Variants in SGCZ observed in about 807,000 individuals in gnomAD.
SGCZ encodes the protein zeta-sarcoglycan.
SGCZ carries 40 observed loss-of-function variants against 41.3 expected under a neutral mutation model. The observed-to-expected ratio is 0.97, with a 90% CI of 0.75 to 1.26. The LOEUF (loss-of-function observed/expected upper bound fraction) is 1.26. Ranked by LOEUF, SGCZ falls within the 50% of genes most tolerant of loss-of-function variation. The probability of loss-of-function intolerance (pLI) is 0.00; values close to 1 mark genes in which losing one functional copy is unlikely to be tolerated. For synonymous variants in SGCZ, 206 were observed against 137.5 expected (o/e 1.50, Z -3.49); for missense variants, 552 against 369.8 (o/e 1.49, Z -4.04).
At chr8:15,056,066 T>C (rs997590667) in intron 1 of SGCZ, among the ~76,000 whole-genome samples, 2 of 152,206 alleles carry the variant, frequency 1.3e-5, no homozygotes, top group Admixed American at 1.3e-4. Flanking sequence ...TTTAAGCAGT[T>C]TGCTGTCCCT....
intron 1 of SGCZ, among the ~76,000 whole-genome samples, chr8:14,998,871 T>A (rs1454298209): frequency 6.6e-6 from 1 of 152,192 alleles, no homozygotes; most frequent in Non-Finnish European, 1.5e-5. Flanking sequence ...ATCCTAGCTA[T>A]TGATATGGGT....
intron 1 of SGCZ, among the ~76,000 whole-genome samples, chr8:15,235,454 T>C (rs1045277734): frequency 1.3e-5 from 2 of 152,214 alleles, no homozygotes; most frequent in African/African-American, 4.8e-5. Context: ...GTATCTAACA[T>C]GCCTTCATTT....
At chr8:14,710,369 C>CAAAAAAAAAAAAAAAAA (rs770994264) in intron 1 of SGCZ, among the ~76,000 whole-genome samples, 2 of 92,432 alleles carry the variant, frequency 2.2e-5, no homozygotes, top group Non-Finnish European at 4.4e-5. Context: ...GACTCCGCAT[C>CAAAAAAAAAAAAAAAAA]AAAAAAAAAA....
At chr8:15,034,259 A>C (rs1476358911) in intron 1 of SGCZ, among the ~76,000 whole-genome samples, 2 of 152,172 alleles carry the variant, frequency 1.3e-5, no homozygotes, top group Non-Finnish European at 1.5e-5. Flanking sequence ...TAAATTTAGC[A>C]GAGATATAAA....
intron 1 of SGCZ, among the ~76,000 whole-genome samples, chr8:14,617,239 C>A (rs989554455): frequency 6.6e-6 from 1 of 152,138 alleles, no homozygotes; most frequent in East Asian, 1.9e-4. Flanking sequence ...TTATACTTAG[C>A]ATATTCATAT....
intron 1 of SGCZ, among the ~76,000 whole-genome samples, chr8:15,048,256 C>G (rs1435857096): frequency 6.6e-6 from 1 of 151,854 alleles, no homozygotes; most frequent in Non-Finnish European, 1.5e-5. Flanking sequence ...ATGTTCTTAG[C>G]CATATGTGGG....
chr8:14,309,485 G>A (rs1585346279), intron 3 of SGCZ: 1 of 1,607,838 alleles, frequency 6.2e-7, no homozygotes. Flanking sequence ...TGTTGTTAAT[G>A]TTAGAGCTAA....
chr8:15,125,211 T>A (rs78566303), intron 1 of SGCZ, among the ~76,000 whole-genome samples: 120 of 152,302 alleles, frequency 7.9e-4, no homozygotes, highest in Middle Eastern at 3.4e-3. Flanking sequence ...AATAACATTT[T>A]ACTTTAGACT....
chr8:14,301,446 A>G (rs1053054222), intron 3 of SGCZ, among the ~76,000 whole-genome samples: 3 of 152,020 alleles, frequency 2.0e-5, no homozygotes, highest in Non-Finnish European at 4.4e-5. Flanking sequence ...CCTGTTTTAC[A>G]CTCAGATTCA....
intron 2 of SGCZ, among the ~76,000 whole-genome samples, chr8:14,347,070 A>C (rs1007972257): frequency 3.3e-5 from 5 of 152,164 alleles, no homozygotes; most frequent in Non-Finnish European, 1.5e-5. Context: ...AGAGAATATT[A>C]GCCCTCGTTA....
rs112456506 is a variant in SGCZ at position 14,322,543 on chromosome 8, A to G, written c.336+1560T>C. On this transcript the variant is annotated intron_variant, in intron 3 of 7. Transcript: ENST00000382080. The stretch of plus-strand genomic sequence containing the variant: ...GACACCTGTTGTTATGCTCTCAGAA[A>G]TGTCCTGGCTGAGAAGATAAATTCT... Among the ~76,000 whole-genome samples the G allele has an allele frequency of 2.0e-3, 303 of 152,200 alleles. 3 individuals are homozygous for G. Among genetic ancestry groups the G allele is most frequent in the African/African-American group, 7.2e-3 (299 of 41,570 alleles).
At chr8:14,380,076 T>C (rs1172304661) in intron 2 of SGCZ, among the ~76,000 whole-genome samples, 4 of 152,192 alleles carry the variant, frequency 2.6e-5, no homozygotes, top group African/African-American at 4.8e-5. Context: ...TTAATATTGC[T>C]GATCTTATCA....
At chr8:14,847,110 AAAGAAGAAGAAGAAGAAAG>A (rs1435833870) in intron 1 of SGCZ, among the ~76,000 whole-genome samples, 3 of 142,250 alleles carry the variant, frequency 2.1e-5, no homozygotes, top group East Asian at 2.1e-4. Context: ...AAGAAAGAAG[AAAGAAGAAGAAGAAGAAAG>A]AAGAAGAAGA....
At chr8:14,278,361 T>C (rs985226892) in intron 3 of SGCZ, among the ~76,000 whole-genome samples, 3 of 152,158 alleles carry the variant, frequency 2.0e-5, no homozygotes, top group African/African-American at 4.8e-5. Context: ...TTTTCATTTA[T>C]TTTAAAACCG....
chr8:14,636,576 G>C (rs1315358999), intron 1 of SGCZ, among the ~76,000 whole-genome samples: 1 of 151,860 alleles, frequency 6.6e-6, no homozygotes, highest in Non-Finnish European at 1.5e-5. Flanking sequence ...AGGTTTGTGG[G>C]TTGTGGATAA....
chr8:14,891,790 G>A (rs1407546667), intron 1 of SGCZ, among the ~76,000 whole-genome samples: 2 of 152,064 alleles, frequency 1.3e-5, no homozygotes, highest in Non-Finnish European at 2.9e-5. Flanking sequence ...CCGTTGCCAC[G>A]GCTACCTCAC....
At chr8:14,833,417 G>A (rs945099305) in intron 1 of SGCZ, among the ~76,000 whole-genome samples, 1 of 152,130 alleles carries the variant, frequency 6.6e-6, no homozygotes, top group Non-Finnish European at 1.5e-5. Flanking sequence ...TTGTCGGCTC[G>A]TGTCTTTTTG....
chr8:14,223,261 G>A (rs62492336), intron 4 of SGCZ, among the ~76,000 whole-genome samples: 36,243 of 151,720 alleles, frequency 0.24, 5,554 homozygotes, highest in Non-Finnish European at 0.34. Flanking sequence ...TGTGATATTT[G>A]GTGCACACTA....
At chr8:14,092,585 A>G (rs962804266) in intron 7 of SGCZ, among the ~76,000 whole-genome samples, 1 of 152,010 alleles carries the variant, frequency 6.6e-6, no homozygotes, top group South Asian at 2.1e-4. Context: ...TAGTTAAATC[A>G]TGGGGGCAGT....
Sources: gnomAD v4.1 joint callset for allele counts (sites outside exome capture counted in the v4.1 genomes callset) on GRCh38, gnomAD v4.1.1 for gene constraint, MANE v1.5 for transcripts, NCBI Gene and HGNC (gene_info 2026-07-23, HGNC 2026-07-21) for gene names.